The following SCX variants were observed in gnomAD, a reference collection of about 807,000 sequenced individuals.
SCX encodes the protein scleraxis bHLH transcription factor, also known as basic helix-loop-helix transcription factor scleraxis.
SCX carries 7 observed loss-of-function variants against 12.2 expected under a neutral mutation model. That is an observed-to-expected ratio of 0.57 (90% CI 0.33 to 1.08). SCX has a LOEUF of 1.08. Among genes scored for constraint, SCX ranks in the 50% least tolerant of loss-of-function variants. SCX has a pLI of 0.04. For synonymous variants in SCX, 193 were observed against 163.9 expected, an observed-to-expected ratio of 1.18 and a Z score of -1.36; for missense variants, 342 against 337.2, an observed-to-expected ratio of 1.01 and a Z score of -0.11.
At position 144,266,706 on chromosome 8, in the gene SCX, C is replaced by T. The variant is rs1845376532; in HGVS notation, c.93C>T (p.Asp31=). 1.6e-6 allele frequency: 2 copies of T among 1,227,632 alleles called. No individual in the cohort carries two copies. The highest frequency in any genetic ancestry group is 5.8e-5 in the East Asian group (1 of 17,212). 76.0% of individuals were successfully genotyped at this position (1,227,632 alleles called of 1,614,324 possible). Residue 31 remains aspartate, a synonymous_variant, in exon 1 of 2, where the codon GAC becomes GAT. Transcript: ENST00000567180. ...CGGAGGACGAGGACCGCGGCAGCGACAGCTCGGGCTCCGACGAGAAACCCT... is the reference window on the plus strand; with the variant it reads ...CGGAGGACGAGGACCGCGGCAGCGATAGCTCGGGCTCCGACGAGAAACCCT... ...PLSEDEDRGS[D]SSGSDEKPCR...
At position 144,268,442 on chromosome 8, in the gene SCX, A is replaced by G. The variant is rs1845432311; in HGVS notation, c.*300A>G. ...TTTTGATATGATAATATAAAGTCTG[A>G]AAATTTTGTATAATTAAAAACAAAA... On this transcript the variant is annotated 3_prime_UTR_variant, in exon 2 of 2. Transcript: ENST00000567180. The G allele has an allele frequency of 3.6e-6, 2 of 551,258 alleles. No homozygotes were observed. The highest frequency in any genetic ancestry group is 6.4e-6 in the Non-Finnish European group (2 of 312,132). 34.1% of individuals were successfully genotyped at this position (551,258 alleles called of 1,614,324 possible). A position where few individuals can be genotyped will look rare whatever the true frequency, so the allele number is the denominator to read the frequency against.
At chr8:144,267,855 A>G (rs1471935314) in intron 1 of SCX, among the ~76,000 whole-genome samples, 2 of 152,162 alleles carry the variant, frequency 1.3e-5, no homozygotes, top group African/African-American at 2.4e-5. Flanking sequence ...GCTTTTCCCA[A>G]TCCCCATTTC....
chr8:144,267,114 C>T lies in SCX; in HGVS notation c.501C>T (p.Ala167=). 3 of 1,471,888 alleles carry T rather than the reference C, an allele frequency of 2.0e-6. No individual in the cohort carries two copies. The highest frequency in any genetic ancestry group is 2.7e-5 in the South Asian group (2 of 72,916). 91.2% of individuals were successfully genotyped at this position (1,471,888 alleles called of 1,614,324 possible). A position where few individuals can be genotyped will look rare whatever the true frequency, so the allele number is the denominator to read the frequency against. ...CGCCGCCGCCCCCGCCGCCTCCCGC[C>T]CGCGACGGCGAGAACACCCAGCCCA... ...SPPPPPPPPP[A]RDGENTQPKQ... Residue 167 remains alanine (A), a synonymous_variant, in exon 1 of 2, where the codon GCC becomes GCT. Coordinates refer to ENST00000567180, the MANE Select transcript of SCX (RefSeq NM_001080514.3).
Position 144,268,163 on chromosome 8 carries a change from G to GCCACCA in SCX, c.*21_*22insCCACCA, listed in dbSNP as rs1845423935. ...GTTAGGAGGTGGCCGGCAGCAGCCAGGAGGCAGACGCTGCTGGGGGAGGTG... is the reference window on the plus strand; with the variant it reads ...GTTAGGAGGTGGCCGGCAGCAGCCAGCCACCAGAGGCAGACGCTGCTGGGGGAGGTG... On this transcript the variant is annotated 3_prime_UTR_variant, in exon 2 of 2. Transcript: ENST00000567180. 6.4e-4 allele frequency: 990 copies of GCCACCA among 1,550,470 alleles called. 2 individuals carry two copies. Among genetic ancestry groups the GCCACCA allele is most frequent in the Middle Eastern group, 4.1e-3 (22 of 5,370 alleles).
In SCX at chr8:144,266,857, G is replaced by A; in HGVS notation, c.244G>A (p.Ala82Thr). 7.1e-7 allele frequency: 1 copy of A among 1,410,836 alleles called. No homozygotes were observed. Among genetic ancestry groups the A allele is most frequent in the Non-Finnish European group, 9.3e-7 (1 of 1,074,892 alleles). 87.4% of individuals were successfully genotyped at this position (1,410,836 alleles called of 1,614,324 possible). ...GCCCCGGCAGCGGCACACGGCGAACGCGCGCGAGCGAGACCGCACCAACAG... is the reference window on the plus strand; with the variant it reads ...GCCCCGGCAGCGGCACACGGCGAACACGCGCGAGCGAGACCGCACCAACAG... ...REPRQRHTAN[A>T]RERDRTNSVN... is the part of the protein sequence containing the mutation. Residue 82 changes from alanine to threonine, a missense_variant, in exon 1 of 2, where the codon GCG becomes ACG. Ala to Thr is a moderately conservative substitution (Grantham distance 58). This residue lies in a region of SCX where 42 missense variants were observed against 73.7 expected (regional missense o/e 0.57). Coordinates refer to ENST00000567180, the MANE Select transcript of SCX (RefSeq NM_001080514.3).
rs928497498 is a variant in SCX at position 144,267,881 on chromosome 8, G to A, written c.568-223G>A. ...TCCCCATTTCCTCTCCAGACAGCACGCGCGAGCTCCTGGGGCCTGAACATC... is the reference window on the plus strand; with the variant it reads ...TCCCCATTTCCTCTCCAGACAGCACACGCGAGCTCCTGGGGCCTGAACATC... On this transcript the variant is annotated intron_variant, in intron 1 of 1. Transcript: ENST00000567180. Among the ~76,000 whole-genome samples, 74 of 152,344 alleles carry A rather than the reference G, an allele frequency of 4.9e-4. 1 individual carries two copies. The highest frequency in any genetic ancestry group is 2.0e-4 in the Admixed American group (3 of 15,306).
In SCX at chr8:144,267,962, A is replaced by G. The variant is rs891347349; in HGVS notation, c.568-142A>G. 9.1e-6 allele frequency: 12 copies of G among 1,316,180 alleles called. No individual in the cohort carries two copies. The Admixed American group carries it at 9.9e-5, about 11-fold the overall frequency. 81.5% of individuals were successfully genotyped at this position (1,316,180 alleles called of 1,614,324 possible). A position where few individuals can be genotyped will look rare whatever the true frequency, so the allele number is the denominator to read the frequency against. ...GCAGCAGTATGCTCCCCTCCCCAAAACGCTTGAGGGAAGCTGGGGAGAGCC... is the reference window on the plus strand; with the variant it reads ...GCAGCAGTATGCTCCCCTCCCCAAAGCGCTTGAGGGAAGCTGGGGAGAGCC... On this transcript the variant is annotated intron_variant, in intron 1 of 1. Transcript: ENST00000567180.
chr8:144,268,429 A>G lies in SCX; in HGVS notation c.*287A>G. On this transcript the variant is annotated 3_prime_UTR_variant, in exon 2 of 2. Transcript: ENST00000567180. ...TGGCATCTTGTGTTTTTGATATGAT[A>G]ATATAAAGTCTGAAAATTTTGTATA... 1 of 566,128 alleles carries G rather than the reference A, an allele frequency of 1.8e-6. No individual in the cohort carries two copies. Among genetic ancestry groups the G allele is most frequent in the Non-Finnish European group, 3.1e-6 (1 of 320,470 alleles). 35.1% of individuals were successfully genotyped at this position (566,128 alleles called of 1,614,324 possible). A position where few individuals can be genotyped will look rare whatever the true frequency, so the allele number is the denominator to read the frequency against.
intron 1 of SCX, 79 bp downstream of exon 1, chr8:144,267,259 G>A (rs1845395781): frequency 3.5e-6 from 5 of 1,415,766 alleles, no homozygotes; most frequent in East Asian, 3.0e-5. Flanking sequence ...AGGAGGCGAG[G>A]CCACACGGGC....
chr8:144,267,194 G>C lies in SCX; in HGVS notation c.567+14G>C, dbSNP rs1845393768. The C allele has an allele frequency of 6.7e-7, 1 of 1,503,556 alleles. No homozygotes were observed. The highest frequency in any genetic ancestry group is 8.8e-7 in the Non-Finnish European group (1 of 1,137,896). 93.1% of individuals were successfully genotyped at this position (1,503,556 alleles called of 1,614,324 possible). On this transcript the variant is annotated intron_variant, in intron 1 of 1. Coordinates refer to ENST00000567180, the MANE Select transcript of SCX (RefSeq NM_001080514.3). ...CAGAGAAAGTTGGTGAGCACGGGCC[G>C]TGGGGCGCCGAGGGGGGCCTCCAAC...
At position 144,266,681 on chromosome 8, in the gene SCX, C is replaced by A; in HGVS notation, c.68C>A (p.Ser23Ter). The change falls in exon 1 of 2, where the codon TCG becomes TAG. Residue 23 changes from serine (S) to a stop codon, truncating the protein, a stop_gained. Transcript: ENST00000567180. LOFTEE classifies it high-confidence loss of function. Reference sequence around the variant, plus strand: ...CTGTACCCCGAGGTGAGCCCGCTGTCGGAGGACGAGGACCGCGGCAGCGAC... The same window carrying A: ...CTGTACCCCGAGGTGAGCCCGCTGTAGGAGGACGAGGACCGCGGCAGCGAC... The part of the protein sequence containing the change: ...RYLYPEVSPL[S>*]EDEDRGSDSS... 8.0e-7 allele frequency: 1 copy of A among 1,244,414 alleles called. No individual in the cohort carries two copies. The highest frequency in any genetic ancestry group is 1.5e-5 in the South Asian group (1 of 68,726). The allele number at this position is 1,244,414 out of a possible 1,614,324, so 77.1% of individuals were successfully genotyped here.
Position 144,266,453 on chromosome 8 carries a change from G to GGCCCGGGACGCACATGT in SCX, c.-158_-142dup. The GGCCCGGGACGCACATGT allele has an allele frequency of 1.0e-6, 1 of 966,824 alleles. No individual in the cohort carries two copies. The highest frequency in any genetic ancestry group is 1.2e-6 in the Non-Finnish European group (1 of 813,266). The allele number at this position is 966,824 out of a possible 1,614,324, so 59.9% of individuals were successfully genotyped here. A position where few individuals can be genotyped will look rare whatever the true frequency, so the allele number is the denominator to read the frequency against. On this transcript the variant is annotated 5_prime_UTR_variant, in exon 1 of 2. The change creates a new upstream start codon in the 5' untranslated region. Transcript: ENST00000567180. ...AAGGCGCAGCTCGGGGCCCCGCTCC[G>GGCCCGGGACGCACATGT]GCCCGGGACGCACATGTGCGCGCGA...
chr8:144,267,325 C>A, intron 1 of SCX, 145 bp downstream of exon 1: 1 of 1,013,934 alleles, frequency 9.9e-7, no homozygotes, highest in Non-Finnish European at 1.3e-6. Flanking sequence ...CTGCCGGGGG[C>A]TGGGGCCTTC....
rs1845383572 is a variant in SCX at position 144,266,913 on chromosome 8, G to A, written c.300G>A (p.Thr100=). ...SVNTAFTALR[T]LIPTEPADRK... is the part of the protein sequence containing the mutation. ...ACACGGCCTTCACGGCGCTGCGCAC[G>A]CTGATCCCCACCGAGCCCGCCGACC... The change falls in exon 1 of 2, where the codon ACG becomes ACA. Residue 100 remains threonine (T), a synonymous_variant. Transcript: ENST00000567180. 1.1e-5 allele frequency: 17 copies of A among 1,548,770 alleles called. No individual in the cohort carries two copies. Among genetic ancestry groups the A allele is most frequent in the South Asian group, 4.6e-5 (4 of 87,768 alleles).
At chr8:144,267,247 AGAG>A (rs1845395476) in intron 1 of SCX, 67 bp downstream of exon 1, 11 of 1,437,322 alleles carry the variant, frequency 7.7e-6, no homozygotes, top group Non-Finnish European at 8.1e-6. Context: ...CCTGCCAGGC[AGAG>A]GAGGCGAGGC....
intron 1 of SCX, among the ~76,000 whole-genome samples, chr8:144,267,571 G>T (rs1038694402): frequency 6.6e-6 from 1 of 152,268 alleles, no homozygotes; most frequent in Non-Finnish European, 1.5e-5. Context: ...AAGAGAGGAA[G>T]GACCCCGGGT....
chr8:144,267,355 G>A (rs1434931309), intron 1 of SCX, among the ~76,000 whole-genome samples, 175 bp downstream of exon 1: 3 of 152,162 alleles, frequency 2.0e-5, no homozygotes, highest in South Asian at 4.1e-4. Context: ...TCCTCTCCAG[G>A]GCGTCCCTAG....
chr8:144,266,623 G>T lies in SCX; in HGVS notation c.10G>T (p.Ala4Ser). The change falls in exon 1 of 2, where the codon GCC becomes TCC. Residue 4 changes from alanine (A) to serine (S), a missense_variant. Physicochemically the swap from Ala to Ser is moderately conservative, Grantham distance 99. Coordinates refer to ENST00000567180, the MANE Select transcript of SCX (RefSeq NM_001080514.3). Reference sequence around the variant, plus strand: ...CGCCCCCGCCGGCCCCATGTCCTTCGCCACGCTGCGCCCGGCGCCGCCGGG... The same window carrying T: ...CGCCCCCGCCGGCCCCATGTCCTTCTCCACGCTGCGCCCGGCGCCGCCGGG... Reference protein sequence around the residue: MSFATLRPAPPGRY... With the variant: MSFSTLRPAPPGRY... 1 of 1,216,956 alleles carries T rather than the reference G, an allele frequency of 8.2e-7. No individual in the cohort carries two copies. The allele number at this position is 1,216,956 out of a possible 1,614,324, so 75.4% of individuals were successfully genotyped here.
Position 144,268,476 on chromosome 8 carries a change from T to A in SCX, c.*334T>A, listed in dbSNP as rs1327373393. On this transcript the variant is annotated 3_prime_UTR_variant, in exon 2 of 2. Transcript: ENST00000567180. ...TATAATTAAAAACAAAACAGTATCTTCCAAATATGGAGGCCAACTGTCCTC... is the reference window on the plus strand; with the variant it reads ...TATAATTAAAAACAAAACAGTATCTACCAAATATGGAGGCCAACTGTCCTC... The A allele has an allele frequency of 2.2e-6, 1 of 460,210 alleles. No homozygotes were observed. The highest frequency in any genetic ancestry group is 2.0e-5 in the African/African-American group (1 of 49,500). 28.5% of individuals were successfully genotyped at this position (460,210 alleles called of 1,614,324 possible). A position where few individuals can be genotyped will look rare whatever the true frequency, so the allele number is the denominator to read the frequency against.
Sources: gnomAD v4.1 joint callset for allele counts (sites outside exome capture counted in the v4.1 genomes callset) on GRCh38, gnomAD v4.1.1 for gene constraint, gnomAD v4.1.1 regional missense constraint, MANE v1.5 for transcripts, NCBI Gene and HGNC (gene_info 2026-07-23, HGNC 2026-07-21) for gene names.